Variants in PRKCH observed in about 807,000 individuals in gnomAD.
PRKCH encodes protein kinase C eta.
In PRKCH, 28 loss-of-function variants were observed where a neutral mutation model predicts 82.5. The observed-to-expected ratio is 0.34, with a 90% CI of 0.25 to 0.47. The LOEUF is 0.47. Ranked by LOEUF, PRKCH falls within the 20% of genes least tolerant of loss-of-function variation. PRKCH has a pLI of 1.00. For missense variants in PRKCH, 705 were observed against 881.8 expected, an observed-to-expected ratio of 0.80 and a Z score of 2.54; for synonymous variants, 322 against 327.4, an observed-to-expected ratio of 0.98 and a Z score of 0.18.
chr14:61,398,988 T>A (rs2046825044), intron 2 of PRKCH, among the ~76,000 whole-genome samples: 1 of 152,204 alleles, frequency 6.6e-6, no homozygotes, highest in South Asian at 2.1e-4. Context: ...ATTACAGAAT[T>A]GTTGATGTTA....
At chr14:61,311,568 C>T (rs948749928) in intron 1 of PRKCH, among the ~76,000 whole-genome samples, 2 of 152,218 alleles carry the variant, frequency 1.3e-5, no homozygotes, top group South Asian at 2.1e-4. Flanking sequence ...TTACCCAGTT[C>T]CAAAGTCACT....
intron 3 of PRKCH, 56 bp from the exon 4 acceptor site, chr14:61,445,636 A>G (rs779369800): frequency 2.7e-5 from 41 of 1,492,796 alleles, no homozygotes; most frequent in East Asian, 9.0e-5. Flanking sequence ...CTTAAGGACT[A>G]TAAGAGGGTT....
intron 10 of PRKCH, among the ~76,000 whole-genome samples, chr14:61,505,844 T>C (rs2139962070): frequency 6.6e-6 from 1 of 152,142 alleles, no homozygotes; most frequent in Non-Finnish European, 1.5e-5. Context: ...TTATCTGGGG[T>C]TTCAAACTCA....
intron 2 of PRKCH, among the ~76,000 whole-genome samples, chr14:61,422,520 C>T (rs1447076756): frequency 1.3e-5 from 2 of 152,184 alleles, no homozygotes; most frequent in Non-Finnish European, 2.9e-5. Flanking sequence ...CTCATCCTCC[C>T]TCTAGTACTC....
intron 1 of PRKCH, among the ~76,000 whole-genome samples, chr14:61,312,062 CA>C (rs1414364787): frequency 2.0e-5 from 3 of 152,242 alleles, no homozygotes; most frequent in East Asian, 1.9e-4. Flanking sequence ...CCTCCCTCGA[CA>C]TGTAGGGATT....
intron 10 of PRKCH, among the ~76,000 whole-genome samples, chr14:61,487,772 C>T (rs79761887): frequency 0.018 from 2,713 of 151,012 alleles, 70 homozygotes; most frequent in African/African-American, 0.059. Flanking sequence ...CGGGGAGGAT[C>T]GCTTGAGCCT....
intron 1 of PRKCH, among the ~76,000 whole-genome samples, chr14:61,299,446 C>G (rs542258020): frequency 6.6e-6 from 1 of 150,834 alleles, no homozygotes; most frequent in African/African-American, 2.4e-5. Context: ...CTCCTGAGAT[C>G]TTATCGGGAA....
rs145741325 is a variant in PRKCH, at chr14:61,241,991, A to G, written c.-19+54323A>G. 4.2e-3 allele frequency among the ~76,000 whole-genome samples: 633 copies of G among 152,330 alleles called. 7 individuals carry two copies. Among genetic ancestry groups the G allele is most frequent in the African/African-American group, 0.015 (610 of 41,574 alleles). On this transcript the variant is annotated intron_variant, in intron 1 of 3. Coordinates refer to the PRKCH transcript ENST00000555185. Reference sequence around the variant, plus strand: ...CATTTCTAGCCACCTCCCCATTACAAAAGAACTAAGAATTGGGAATCTAAT... The same window carrying G: ...CATTTCTAGCCACCTCCCCATTACAGAAGAACTAAGAATTGGGAATCTAAT...
chr14:61,477,614 T>C (rs1566904332), intron 9 of PRKCH, among the ~76,000 whole-genome samples: 1 of 152,230 alleles, frequency 6.6e-6, no homozygotes, highest in Non-Finnish European at 1.5e-5. Context: ...ATAATTATTA[T>C]AAAGCCCCTA....
In PRKCH at chr14:61,355,326, T is replaced by G. The variant is rs188227569; in HGVS notation, c.363+32862T>G. The stretch of plus-strand genomic sequence containing the variant: ...TTCTTTTTGACATGTTGGTTATCTT[T>G]GTTTTTTTTTTCTTATTATTAAAAA... On this transcript the variant is annotated intron_variant, in intron 1 of 13. Transcript: ENST00000332981. Among the ~76,000 whole-genome samples the G allele has an allele frequency of 2.6e-4, 39 of 149,332 alleles. 1 individual carries two copies. The highest frequency in any genetic ancestry group is 2.2e-4 in the Non-Finnish European group (15 of 67,282).
chr14:61,313,366 A>T (rs1202297962), intron 1 of PRKCH, among the ~76,000 whole-genome samples: 2 of 152,246 alleles, frequency 1.3e-5, no homozygotes. Flanking sequence ...AGAGAAAATG[A>T]TTACTATTTT....
chr14:61,354,033 T>C (rs1594939722), intron 1 of PRKCH: 1 of 152,208 alleles, frequency 6.6e-6, no homozygotes, highest in South Asian at 2.1e-4. Context: ...TGTAAGGCTA[T>C]ACAATAATTT....
chr14:61,453,173 A>C, intron 6 of PRKCH, 53 bp from the exon 7 acceptor site: 1 of 1,606,912 alleles, frequency 6.2e-7, no homozygotes, highest in East Asian at 2.2e-5. Context: ...GTTGCAGCAC[A>C]TGTTGAATTG....
intron 1 of PRKCH, among the ~76,000 whole-genome samples, chr14:61,195,346 A>G (rs1444936555): frequency 7.0e-6 from 1 of 143,380 alleles, no homozygotes; most frequent in Admixed American, 7.5e-5. Context: ...AAGTTTTTAT[A>G]GTGTATGGTT....
At chr14:61,428,112 C>CATATATATATATATATATATACACAT (rs112740584) in intron 2 of PRKCH, among the ~76,000 whole-genome samples, 1 of 145,524 alleles carries the variant, frequency 6.9e-6, no homozygotes, top group African/African-American at 2.7e-5. Flanking sequence ...TATATACACA[C>CATATATATATATATATATATACACAT]ATATATATAT....
At chr14:61,221,941 G>T (rs2044659108) in intron 1 of PRKCH, among the ~76,000 whole-genome samples, 1 of 152,122 alleles carries the variant, frequency 6.6e-6, no homozygotes, top group African/African-American at 2.4e-5. Context: ...AATCCAAACG[G>T]TCCACAGAGA....
intron 1 of PRKCH, among the ~76,000 whole-genome samples, chr14:61,195,144 T>C (rs558427715): frequency 3.1e-4 from 47 of 152,214 alleles, no homozygotes; most frequent in Non-Finnish European, 6.0e-4. Flanking sequence ...AGGATCATTT[T>C]TCTTTTGCCT....
intron 2 of PRKCH, among the ~76,000 whole-genome samples, chr14:61,398,415 A>C (rs1419818661): frequency 6.6e-6 from 1 of 152,248 alleles, no homozygotes; most frequent in Non-Finnish European, 1.5e-5. Flanking sequence ...ACATCATCTT[A>C]TGTGAGGACA....
At chr14:61,519,225 T>TGA (rs1365929725) in intron 10 of PRKCH, among the ~76,000 whole-genome samples, 1 of 152,000 alleles carries the variant, frequency 6.6e-6, no homozygotes, top group Non-Finnish European at 1.5e-5. Flanking sequence ...GTGGCTGCAG[T>TGA]GAGCTATGAT....
Sources: gnomAD v4.1 joint callset for allele counts (sites outside exome capture counted in the v4.1 genomes callset) on GRCh38, gnomAD v4.1.1 for gene constraint, MANE v1.5 for transcripts, NCBI Gene and HGNC (gene_info 2026-07-23, HGNC 2026-07-21) for gene names.